The following SLC9A7 variants were observed in gnomAD, a reference collection of about 807,000 sequenced individuals.
SLC9A7 encodes solute carrier family 9 member A7, also known as sodium/hydrogen exchanger 7.
A neutral mutation model predicts 52.6 loss-of-function variants in SLC9A7; 19 were observed. That is an observed-to-expected ratio of 0.36 (90% CI 0.25 to 0.53). SLC9A7 has a LOEUF of 0.53. Ranked by LOEUF, SLC9A7 falls within the 20% of genes least tolerant of loss-of-function variation. The probability of loss-of-function intolerance (pLI) is 0.91; values close to 1 mark genes in which losing one functional copy is unlikely to be tolerated. For missense variants in SLC9A7, 455 were observed against 597.9 expected (o/e 0.76, Z 2.49); for synonymous variants, 226 against 252.1 (o/e 0.90, Z 0.98).
chrX:46,747,569 CAA>C (rs754162758), intron 1 of SLC9A7, among the ~76,000 whole-genome samples: 101 of 109,617 alleles, frequency 9.2e-4, no homozygotes, highest in Admixed American at 2.9e-3. Context: ...AAAGCAAATG[CAA>C]AAAAAATTAT....
intron 1 of SLC9A7, among the ~76,000 whole-genome samples, chrX:46,750,650 T>G (rs1467807134): frequency 1.8e-5 from 2 of 112,566 alleles, no homozygotes; most frequent in Non-Finnish European, 3.8e-5. Flanking sequence ...ACACCCAGCC[T>G]GATCTTCATA....
At chrX:46,711,316 A>G (rs1242456092) in intron 1 of SLC9A7, among the ~76,000 whole-genome samples, 1 of 112,809 alleles carries the variant, frequency 8.9e-6, no homozygotes, top group African/African-American at 3.2e-5. Context: ...TTAAAAGCCA[A>G]CAGAAAACCG....
intron 1 of SLC9A7, among the ~76,000 whole-genome samples, chrX:46,736,181 C>A (rs1270158372): frequency 8.9e-6 from 1 of 112,194 alleles, no homozygotes; most frequent in Non-Finnish European, 1.9e-5. Flanking sequence ...CTGTTCTGAT[C>A]ATTTCACCCT....
rs370292675 is a variant in SLC9A7 at position 46,606,278 on chromosome X, C to T, written c.*674G>A. 1 of 745,524 alleles carries T rather than the reference C, an allele frequency of 1.3e-6. No homozygotes were observed. Among genetic ancestry groups the T allele is most frequent in the Non-Finnish European group, 1.6e-6 (1 of 631,288 alleles). The allele number at this position is 745,524 out of a possible 1,213,427, so 61.4% of individuals were successfully genotyped here. A position where few individuals can be genotyped will look rare whatever the true frequency, so the allele number is the denominator to read the frequency against. On this transcript the variant is annotated 3_prime_UTR_variant, in exon 17 of 17. Coordinates refer to ENST00000616978, the MANE Select transcript of SLC9A7 (RefSeq NM_001257291.2). ...TATTTGCCTTTGGTTTTAAACATTT[C>T]ATAACTACTTCTTTATGGATATAGC...
chrX:46,691,554 A>G (rs1030095985), intron 1 of SLC9A7, among the ~76,000 whole-genome samples: 9 of 112,056 alleles, frequency 8.0e-5, no homozygotes, highest in African/African-American at 2.9e-4. Context: ...GAATGTAGTG[A>G]GAACATGCAT....
At chrX:46,613,480 C>T (rs930735055) in intron 15 of SLC9A7, 86 bp from the exon 16 acceptor site, 17 of 600,108 alleles carry the variant, frequency 2.8e-5, no homozygotes, top group Non-Finnish European at 4.3e-5. Context: ...GACATTCCAC[C>T]CACAAAAACC....
chrX:46,721,952 G>C (rs1335535116), intron 1 of SLC9A7, among the ~76,000 whole-genome samples: 1 of 112,253 alleles, frequency 8.9e-6, no homozygotes, highest in African/African-American at 3.2e-5. Flanking sequence ...TAACTTCATG[G>C]TATGAACTAT....
At position 46,599,808 on chromosome X, in the gene SLC9A7, A is replaced by AAAT. The variant is rs1022481378; in HGVS notation, c.*7141_*7143dup. On this transcript the variant is annotated 3_prime_UTR_variant, in exon 17 of 17. Transcript: ENST00000616978. Reference sequence around the variant, plus strand: ...CCACCAGTTTGCTACTGTTGAATGGAAATAGAAGACAAAATTCTCCCCAAT... The same window carrying AAAT: ...CCACCAGTTTGCTACTGTTGAATGGAAATAATAGAAGACAAAATTCTCCCCAAT... 1 of 109,545 alleles carries AAAT rather than the reference A, an allele frequency of 9.1e-6. No individual in the cohort carries two copies. The highest frequency in any genetic ancestry group is 1.9e-5 in the Non-Finnish European group (1 of 53,266). 9.0% of individuals were successfully genotyped at this position (109,545 alleles called of 1,213,427 possible).
rs929248727 is a variant in SLC9A7, at chrX:46,651,477, C to T, written c.1148-73G>A. The T allele has an allele frequency of 1.1e-5, 10 of 877,080 alleles. No homozygotes were observed. In the East Asian group the frequency reaches 3.2e-4, roughly 28 times the overall value. The allele number at this position is 877,080 out of a possible 1,213,427, so 72.3% of individuals were successfully genotyped here. ...GGGGAAAAAAAAAACCCTGCTAGAA[C>T]AAAAAGTTAAGGTAGGCAAGCCTAG... On this transcript the variant is annotated intron_variant, in intron 8 of 16. Coordinates refer to ENST00000616978, the MANE Select transcript of SLC9A7 (RefSeq NM_001257291.2).
At chrX:46,625,794 T>C (rs916835415) in intron 14 of SLC9A7, among the ~76,000 whole-genome samples, 2 of 108,329 alleles carry the variant, frequency 1.8e-5, no homozygotes, top group African/African-American at 6.8e-5. Flanking sequence ...GCGGGAGAGA[T>C]TCAGAGCTTG....
Position 46,600,641 on chromosome X carries a change from G to A in SLC9A7, c.*6311C>T, listed in dbSNP as rs754379167. 9 of 112,242 alleles carry A rather than the reference G, an allele frequency of 8.0e-5. No homozygotes were observed. Among genetic ancestry groups the A allele is most frequent in the Admixed American group, 5.7e-4 (6 of 10,536 alleles). 9.3% of individuals were successfully genotyped at this position (112,242 alleles called of 1,213,427 possible). A position where few individuals can be genotyped will look rare whatever the true frequency, so the allele number is the denominator to read the frequency against. On this transcript the variant is annotated 3_prime_UTR_variant, in exon 17 of 17. Coordinates refer to ENST00000616978, the MANE Select transcript of SLC9A7 (RefSeq NM_001257291.2). ...TTTTGCTAGCACTGGGTGACAAGATGTGTTTAATTTTTTAAAAATGTCTAT... is the reference window on the plus strand; with the variant it reads ...TTTTGCTAGCACTGGGTGACAAGATATGTTTAATTTTTTAAAAATGTCTAT...
At chrX:46,733,827 AC>A (rs1334211498) in intron 1 of SLC9A7, among the ~76,000 whole-genome samples, 6 of 111,793 alleles carry the variant, frequency 5.4e-5, no homozygotes, top group African/African-American at 2.0e-4. Flanking sequence ...TGAAAAAAAA[AC>A]AAAGAATCAA....
At chrX:46,678,473 G>A (rs1263834198) in intron 3 of SLC9A7, among the ~76,000 whole-genome samples, 1 of 105,285 alleles carries the variant, frequency 9.5e-6, no homozygotes, top group Non-Finnish European at 1.9e-5. Flanking sequence ...GTCTTGCTCT[G>A]TGGCCCAGAC....
In SLC9A7 at chrX:46,606,940, T is replaced by C. The variant is rs749369473; in HGVS notation, c.*12A>G. The C allele has an allele frequency of 9.3e-5, 112 of 1,208,912 alleles. No homozygotes were observed. Among genetic ancestry groups the C allele is most frequent in the Non-Finnish European group, 1.2e-4 (105 of 894,806 alleles). On this transcript the variant is annotated 3_prime_UTR_variant, in exon 17 of 17. Coordinates refer to ENST00000616978, the MANE Select transcript of SLC9A7 (RefSeq NM_001257291.2). ...GGAGCCTACCCCATCGCGCCAGGGC[T>C]TGGGGGGAAAGTCAAGCATTATCTT...
intron 14 of SLC9A7, among the ~76,000 whole-genome samples, chrX:46,628,437 A>T (rs1171177188): frequency 9.0e-6 from 1 of 111,592 alleles, no homozygotes; most frequent in African/African-American, 3.3e-5. Context: ...AATGAGTCAA[A>T]CTTACCAGGG....
intron 1 of SLC9A7, among the ~76,000 whole-genome samples, chrX:46,738,783 A>C (rs1036845844): frequency 1.8e-5 from 2 of 108,562 alleles, no homozygotes; most frequent in Non-Finnish European, 3.8e-5. Context: ...AAAAAAAAAC[A>C]AAACAAACAA....
intron 3 of SLC9A7, among the ~76,000 whole-genome samples, chrX:46,674,947 T>C (rs1325445382): frequency 9.0e-6 from 1 of 111,234 alleles, no homozygotes; most frequent in African/African-American, 3.3e-5. Context: ...AGCCTCACAC[T>C]GCTACTCCTT....
chrX:46,667,744 T>G (rs1237723288), intron 5 of SLC9A7, among the ~76,000 whole-genome samples: 1 of 112,064 alleles, frequency 8.9e-6, no homozygotes, highest in East Asian at 2.8e-4. Flanking sequence ...GACCTTTCTA[T>G]CTCTACCGTG....
intron 3 of SLC9A7, among the ~76,000 whole-genome samples, chrX:46,674,911 T>C (rs1254104742): frequency 9.0e-6 from 1 of 111,490 alleles, no homozygotes; most frequent in Non-Finnish European, 1.9e-5. Context: ...CTACCTGATA[T>C]CCCAATTCCT....
Sources: gnomAD v4.1 joint callset for allele counts (sites outside exome capture counted in the v4.1 genomes callset) on GRCh38, gnomAD v4.1.1 for gene constraint, MANE v1.5 for transcripts, NCBI Gene and HGNC (gene_info 2026-07-23, HGNC 2026-07-21) for gene names.